The following NECAB1 variants were observed in gnomAD, a reference collection of about 807,000 sequenced individuals.
The protein encoded by NECAB1 is N-terminal EF-hand calcium-binding protein 1.
In NECAB1, 29 loss-of-function variants were observed where a neutral mutation model predicts 57.5. The observed-to-expected ratio is 0.50, with a 90% confidence interval of 0.38 to 0.69. NECAB1 has a LOEUF of 0.69. NECAB1 is among the 30% of genes least tolerant of loss of function. NECAB1 has a pLI of 0.00. For missense variants in NECAB1, 372 were observed against 413.8 expected (o/e 0.90, Z 0.88); for synonymous variants, 142 against 147.7 (o/e 0.96, Z 0.28).
At chr8:90,809,014 C>T (rs1811907574) in intron 2 of NECAB1, among the ~76,000 whole-genome samples, 1 of 152,188 alleles carries the variant, frequency 6.6e-6, no homozygotes, top group Non-Finnish European at 1.5e-5. Context: ...GAATTTTTCA[C>T]ATGGCAGTGC....
At chr8:90,950,386 A>G (rs1349436004) in intron 11 of NECAB1, among the ~76,000 whole-genome samples, 1 of 152,244 alleles carries the variant, frequency 6.6e-6, no homozygotes, top group Non-Finnish European at 1.5e-5. Context: ...GTTGTCAAAA[A>G]TTAAAATAAA....
intron 4 of NECAB1, among the ~76,000 whole-genome samples, chr8:90,878,881 A>G (rs1808776467): frequency 6.6e-6 from 1 of 150,448 alleles, no homozygotes; most frequent in Non-Finnish European, 1.5e-5. Flanking sequence ...CATGAATGAA[A>G]TATTTATTTT....
intron 4 of NECAB1, among the ~76,000 whole-genome samples, chr8:90,876,288 G>T (rs1808725339): frequency 6.6e-6 from 1 of 152,084 alleles, no homozygotes; most frequent in Non-Finnish European, 1.5e-5. Context: ...AAGAGAGTTT[G>T]CGTGTCGCTT....
intron 6 of NECAB1, among the ~76,000 whole-genome samples, chr8:90,923,449 A>G (rs1200727894): frequency 6.6e-6 from 1 of 152,250 alleles, no homozygotes; most frequent in African/African-American, 2.4e-5. Flanking sequence ...AAGACTTAAC[A>G]ATGCCAATGG....
intron 4 of NECAB1, among the ~76,000 whole-genome samples, chr8:90,879,608 A>G (rs561280764): frequency 6.6e-6 from 1 of 152,288 alleles, no homozygotes; most frequent in South Asian, 2.1e-4. Context: ...GTATAGACTC[A>G]GTTCTGATAT....
At position 90,955,485 on chromosome 8, in the gene NECAB1, A is replaced by G. The variant is rs1811014960; in HGVS notation, c.1031-2A>G. 3 of 1,548,446 alleles carry G rather than the reference A, an allele frequency of 1.9e-6. No homozygotes were observed. Among genetic ancestry groups the G allele is most frequent in the Non-Finnish European group, 2.6e-6 (3 of 1,144,400 alleles). ...TTTTAGAAAACATTTTTCTCTTTTC[A>G]GCTTCGTGGTGGATCCTGAACAACT... is the stretch of plus-strand genomic sequence containing the variant. On this transcript the variant is annotated splice_acceptor_variant, in intron 12 of 12. Coordinates refer to ENST00000417640, the MANE Select transcript of NECAB1 (RefSeq NM_022351.5). LOFTEE classifies it high-confidence loss of function.
In NECAB1 at chr8:90,841,269, A is replaced by T. The variant is rs11992742; in HGVS notation, c.233+16444A>T. On this transcript the variant is annotated intron_variant, in intron 3 of 12. Coordinates refer to ENST00000417640, the MANE Select transcript of NECAB1 (RefSeq NM_022351.5). The stretch of plus-strand genomic sequence containing the variant: ...AGCGAGACTCTGTCTCAAAAAAAAT[A>T]AAAAAAAAAAAGGGACCAAGTAGTT... 0.019 allele frequency among the ~76,000 whole-genome samples: 901 copies of T among 47,696 alleles called. 14 individuals carry two copies. In the African/African-American group the frequency reaches 0.28, roughly 15 times the overall value. 31.3% of individuals were successfully genotyped at this position (47,696 alleles called of 152,430 possible). A position where few individuals can be genotyped will look rare whatever the true frequency, so the allele number is the denominator to read the frequency against.
chr8:90,845,406 C>T lies in NECAB1; in HGVS notation c.233+20581C>T, dbSNP rs573671154. ...AATTTGGTTTATATTTTTTAAAATACCTAGCATGCATACTTATATTATGTA... is the reference window on the plus strand; with the variant it reads ...AATTTGGTTTATATTTTTTAAAATATCTAGCATGCATACTTATATTATGTA... On this transcript the variant is annotated intron_variant, in intron 3 of 12. Coordinates refer to ENST00000417640, the MANE Select transcript of NECAB1 (RefSeq NM_022351.5). Among the ~76,000 whole-genome samples, 5 of 152,094 alleles carry T rather than the reference C, an allele frequency of 3.3e-5. No individual in the cohort carries two copies. In the South Asian group the frequency reaches 8.3e-4, roughly 25 times the overall value.
At chr8:90,921,786 T>G (rs1176549499) in intron 6 of NECAB1, among the ~76,000 whole-genome samples, 3 of 152,234 alleles carry the variant, frequency 2.0e-5, no homozygotes, top group Non-Finnish European at 4.4e-5. Flanking sequence ...ATTTAATATT[T>G]GTGAAACCTA....
chr8:90,936,078 G>A (rs544069559), intron 9 of NECAB1, among the ~76,000 whole-genome samples: 7 of 152,050 alleles, frequency 4.6e-5, no homozygotes, highest in Non-Finnish European at 8.8e-5. Flanking sequence ...ATGGTAGTAA[G>A]TGCATTACTA....
At chr8:90,797,693 T>A (rs914576203) in intron 1 of NECAB1, among the ~76,000 whole-genome samples, 4 of 152,252 alleles carry the variant, frequency 2.6e-5, no homozygotes, top group African/African-American at 9.6e-5. Flanking sequence ...ATCCAGATTA[T>A]TTTCTATTAG....
At chr8:90,875,942 G>A (rs1318409888) in intron 4 of NECAB1, among the ~76,000 whole-genome samples, 4 of 151,876 alleles carry the variant, frequency 2.6e-5, no homozygotes, top group African/African-American at 9.7e-5. Context: ...CCCGGGAGGC[G>A]GAGCTTGCAG....
At chr8:90,816,629 A>G (rs1812065465) in intron 2 of NECAB1, among the ~76,000 whole-genome samples, 1 of 151,766 alleles carries the variant, frequency 6.6e-6, no homozygotes, top group Non-Finnish European at 1.5e-5. Context: ...GTCAACAATC[A>G]GTTGACTATA....
chr8:90,867,796 G>C (rs1156488659), intron 3 of NECAB1, among the ~76,000 whole-genome samples: 1 of 152,200 alleles, frequency 6.6e-6, no homozygotes, highest in African/African-American at 2.4e-5. Context: ...GGCTGGCCTT[G>C]TATGCCACTT....
chr8:90,889,481 T>G (rs1194116701), intron 5 of NECAB1, among the ~76,000 whole-genome samples: 2 of 152,220 alleles, frequency 1.3e-5, no homozygotes, highest in Admixed American at 6.5e-5. Flanking sequence ...TTGAAGGATT[T>G]GTTAGTTGTA....
At chr8:90,902,615 AAT>A (rs562107821) in intron 5 of NECAB1, among the ~76,000 whole-genome samples, 48 of 152,274 alleles carry the variant, frequency 3.2e-4, no homozygotes, top group Middle Eastern at 3.4e-3. Context: ...CAAGTTTATC[AAT>A]AGTTAAATAA....
chr8:90,899,187 T>C (rs905631933), intron 5 of NECAB1, among the ~76,000 whole-genome samples: 3 of 152,164 alleles, frequency 2.0e-5, no homozygotes, highest in African/African-American at 7.2e-5. Flanking sequence ...TGGCAAGGAA[T>C]ACTGGAGAGG....
In NECAB1 at chr8:90,887,093, C is replaced by T. The variant is rs186378465; in HGVS notation, c.357+5963C>T. Among the ~76,000 whole-genome samples, 159 of 152,266 alleles carry T rather than the reference C, an allele frequency of 1.0e-3. 4 individuals are homozygous for T. The East Asian group carries it at 0.025, about 24-fold the overall frequency. ...CTAGATTAGCTACCATCTTGAGTAG[C>T]TGTTCTGTCCGTGACATGCCATTTA... On this transcript the variant is annotated intron_variant, in intron 5 of 12. Transcript: ENST00000417640.
At chr8:90,833,648 T>C (rs1274723324) in intron 3 of NECAB1, among the ~76,000 whole-genome samples, 1 of 152,184 alleles carries the variant, frequency 6.6e-6, no homozygotes, top group African/African-American at 2.4e-5. Context: ...GAATGATTTA[T>C]TCACATAAAT....
Sources: gnomAD v4.1 joint callset for allele counts (sites outside exome capture counted in the v4.1 genomes callset) on GRCh38, gnomAD v4.1.1 for gene constraint, MANE v1.5 for transcripts, NCBI Gene and HGNC (gene_info 2026-07-23, HGNC 2026-07-21) for gene names.